Variants in CNTNAP2 observed in about 807,000 individuals in gnomAD.
CNTNAP2 encodes the protein contactin associated protein 2, also known as contactin-associated protein-like 2.
In CNTNAP2, 98 loss-of-function variants were observed where a neutral mutation model predicts 155.2. That is an observed-to-expected ratio of 0.63 (90% CI 0.54 to 0.75). The LOEUF is 0.75. Ranked by LOEUF, CNTNAP2 falls within the 30% of genes least tolerant of loss-of-function variation. CNTNAP2 has a pLI of 0.00. For missense variants in CNTNAP2, 1,727 were observed against 1,688.1 expected (o/e 1.02, Z -0.40); for synonymous variants, 651 against 631.2 (o/e 1.03, Z -0.47).
intron 15 of CNTNAP2, among the ~76,000 whole-genome samples, chr7:148,031,417 A>G (rs377737013): frequency 8.5e-5 from 13 of 152,364 alleles, no homozygotes; most frequent in East Asian, 1.9e-4. Context: ...AGTAAGCTTC[A>G]GTGATAATGC....
intron 16 of CNTNAP2, among the ~76,000 whole-genome samples, chr7:148,139,900 C>A (rs556512118): frequency 7.2e-5 from 11 of 152,276 alleles, no homozygotes; most frequent in Admixed American, 5.2e-4. Context: ...CAACCAGTTG[C>A]AAATTTAGAG....
At chr7:148,349,173 A>T (rs1444022707) in intron 21 of CNTNAP2, among the ~76,000 whole-genome samples, 3 of 152,144 alleles carry the variant, frequency 2.0e-5, no homozygotes, top group Non-Finnish European at 4.4e-5. Context: ...GTTAAATACG[A>T]TGAAAAAAAT....
intron 1 of CNTNAP2, among the ~76,000 whole-genome samples, chr7:146,343,084 T>G (rs1367830589): frequency 6.6e-6 from 1 of 152,036 alleles, no homozygotes; most frequent in African/African-American, 2.4e-5. Context: ...AAGGTTGTTT[T>G]TTTTTTGTTT....
chr7:147,041,769 T>G (rs1193128201), intron 3 of CNTNAP2, among the ~76,000 whole-genome samples: 1 of 152,242 alleles, frequency 6.6e-6, no homozygotes, highest in African/African-American at 2.4e-5. Flanking sequence ...AATATTGACA[T>G]AAAACCTAGC....
intron 12 of CNTNAP2, 163 bp from the exon 13 acceptor site, chr7:147,638,943 G>A (rs1268953075): frequency 1.3e-6 from 1 of 758,442 alleles, no homozygotes; most frequent in Non-Finnish European, 2.4e-6. Flanking sequence ...GCAGAACTTA[G>A]GGATGAGCAA....
At chr7:147,344,473 A>G (rs1232611362) in intron 9 of CNTNAP2, among the ~76,000 whole-genome samples, 1 of 152,158 alleles carries the variant, frequency 6.6e-6, no homozygotes, top group Non-Finnish European at 1.5e-5. Context: ...CTGCTTCATA[A>G]TTTTTCTCTG....
intron 16 of CNTNAP2, among the ~76,000 whole-genome samples, chr7:148,121,219 G>C (rs894819518): frequency 2.6e-5 from 4 of 151,988 alleles, no homozygotes; most frequent in Non-Finnish European, 5.9e-5. Context: ...ATTTTTAGTA[G>C]AGACGGGCTT....
intron 1 of CNTNAP2, among the ~76,000 whole-genome samples, chr7:146,225,879 C>G (rs1406231876): frequency 6.6e-6 from 1 of 152,184 alleles, no homozygotes; most frequent in Non-Finnish European, 1.5e-5. Context: ...GTGTTTATTA[C>G]TAACCTAAAT....
chr7:146,777,572 T>G (rs1026340495), intron 2 of CNTNAP2, among the ~76,000 whole-genome samples: 5 of 152,064 alleles, frequency 3.3e-5, no homozygotes, highest in Non-Finnish European at 7.4e-5. Context: ...AAAACTTTTT[T>G]TTTTTTTTTA....
At chr7:146,660,233 A>G (rs111571560) in intron 1 of CNTNAP2, among the ~76,000 whole-genome samples, 12,549 of 152,204 alleles carry the variant, frequency 0.082, 871 homozygotes, top group African/African-American at 0.19. Context: ...TCTAAGCAGT[A>G]TGTCGATGAT....
intron 13 of CNTNAP2, among the ~76,000 whole-genome samples, chr7:147,759,801 T>C (rs1481024166): frequency 2.0e-5 from 3 of 152,162 alleles, no homozygotes; most frequent in Admixed American, 1.3e-4. Context: ...TCCATAATTA[T>C]ATCTTTGACC....
chr7:148,367,632 G>C (rs1363826562), intron 21 of CNTNAP2, among the ~76,000 whole-genome samples: 2 of 152,098 alleles, frequency 1.3e-5, no homozygotes, highest in East Asian at 1.9e-4. Context: ...AAAAGAACTA[G>C]ATCTCTTGTT....
chr7:146,380,901 C>T (rs1228576792), intron 1 of CNTNAP2, among the ~76,000 whole-genome samples: 2 of 144,988 alleles, frequency 1.4e-5, no homozygotes, highest in Non-Finnish European at 3.0e-5. Flanking sequence ...GGGGTTCACG[C>T]CATTCTCCTG....
At chr7:148,077,349 T>G (rs1803508284) in intron 15 of CNTNAP2, among the ~76,000 whole-genome samples, 1 of 152,168 alleles carries the variant, frequency 6.6e-6, no homozygotes, top group Non-Finnish European at 1.5e-5. Context: ...ATATGAAAGT[T>G]CTAATTCATA....
At chr7:148,229,884 G>C (rs1265348905) in intron 20 of CNTNAP2, 105 bp downstream of exon 20, 1 of 1,342,456 alleles carries the variant, frequency 7.4e-7, no homozygotes. Context: ...AAGTAGAAGA[G>C]ATGCTTTTTA....
At chr7:147,033,178 A>ATATATATG (rs1470540227) in intron 3 of CNTNAP2, among the ~76,000 whole-genome samples, 44 of 54,900 alleles carry the variant, frequency 8.0e-4, no homozygotes, top group Admixed American at 1.6e-3. Flanking sequence ...ATATATATAT[A>ATATATATG]TATATATATA....
At chr7:147,986,645 G>A (rs1801621482) in intron 15 of CNTNAP2, among the ~76,000 whole-genome samples, 1 of 152,116 alleles carries the variant, frequency 6.6e-6, no homozygotes, top group Non-Finnish European at 1.5e-5. Context: ...TTCATCCTTA[G>A]TAATTCCCCA....
rs563404818 is a variant in CNTNAP2 at position 147,649,301 on chromosome 7, T to C, written c.2098+9995T>C. ...TTGAAAATCTGCCTTCTCATGTCTTTCTGTTTAAGGTAGACTCTAACCTTT... is the reference window on the plus strand; with the variant it reads ...TTGAAAATCTGCCTTCTCATGTCTTCCTGTTTAAGGTAGACTCTAACCTTT... On this transcript the variant is annotated intron_variant, in intron 13 of 23. Coordinates refer to ENST00000361727, the MANE Select transcript of CNTNAP2 (RefSeq NM_014141.6). Among the ~76,000 whole-genome samples the C allele has an allele frequency of 4.4e-4, 67 of 152,310 alleles. 1 individual carries two copies. The South Asian group carries it at 5.0e-3, about 11-fold the overall frequency.
At chr7:147,645,496 G>A (rs1034704855) in intron 13 of CNTNAP2, among the ~76,000 whole-genome samples, 1 of 152,098 alleles carries the variant, frequency 6.6e-6, no homozygotes, top group African/African-American at 2.4e-5. Flanking sequence ...CAAGCAACGA[G>A]GATAGTAATA....
Sources: allele counts gnomAD v4.1 joint callset (sites outside exome capture counted in the v4.1 genomes callset), GRCh38; gene constraint gnomAD v4.1.1; transcripts MANE v1.5; gene names NCBI Gene and HGNC (gene_info 2026-07-23, HGNC 2026-07-21).